TBC1D13: variants seen among roughly 807,000 people sequenced by gnomAD.
The protein encoded by TBC1D13 is TBC1 domain family member 13.
In TBC1D13, 40 loss-of-function variants were observed where a neutral mutation model predicts 53.6. That is an observed-to-expected ratio of 0.75 (90% CI 0.58 to 0.97). The LOEUF is 0.97. TBC1D13 is among the 50% of genes least tolerant of loss of function. The pLI is 0.00. For missense variants in TBC1D13, 377 were observed against 499.4 expected, an observed-to-expected ratio of 0.75 and a Z score of 2.34; for synonymous variants, 182 against 197.7, an observed-to-expected ratio of 0.92 and a Z score of 0.67.
At chr9:128,793,804 C>G (rs1829578172) in intron 6 of TBC1D13, among the ~76,000 whole-genome samples, 1 of 152,224 alleles carries the variant, frequency 6.6e-6, no homozygotes, top group African/African-American at 2.4e-5. Context: ...GGGCAGCTCT[C>G]AGGTGCCCAA....
rs1829758521 is a variant in TBC1D13 at position 128,802,736 on chromosome 9, C to CTTTT, written c.544-514_544-513insTTTT. On this transcript the variant is annotated intron_variant, in intron 7 of 11. Transcript: ENST00000372648. ...ACACATTGTCCTCCTTCACATTGTC[C>CTTTT]ATTTTTTTTTTTTTTTTTGAGACAG... Among the ~76,000 whole-genome samples the CTTTT allele has an allele frequency of 4.1e-5, 5 of 123,364 alleles. No homozygotes were observed. In the South Asian group the frequency reaches 7.6e-4, roughly 19 times the overall value. The allele number at this position is 123,364 out of a possible 152,430, so 80.9% of individuals were successfully genotyped here.
Position 128,797,120 on chromosome 9 carries a change from A to C in TBC1D13, c.449A>C (p.Asp150Ala). ...ATDYPCLLIL[D>A]PQNEFETLRK... ...GACTACCCTTGCCTCCTCATCCTGG[A>C]CCCCCAGAATGAGTTTGAAACCCTT... Residue 150 changes from aspartate (D) to alanine (A), a missense_variant, in exon 7 of 12, where the codon GAC becomes GCC. Physicochemically the swap from Asp to Ala is moderately radical, Grantham distance 126. Coordinates refer to ENST00000372648, the MANE Select transcript of TBC1D13 (RefSeq NM_018201.5). 1 of 1,613,756 alleles carries C rather than the reference A, an allele frequency of 6.2e-7. No individual in the cohort carries two copies. The highest frequency in any genetic ancestry group is 8.5e-7 in the Non-Finnish European group (1 of 1,179,940).
At chr9:128,804,877 C>T (rs1361306820) in intron 9 of TBC1D13, among the ~76,000 whole-genome samples, 8 of 151,834 alleles carry the variant, frequency 5.3e-5, no homozygotes, top group African/African-American at 1.7e-4. Context: ...TACAGGCGTG[C>T]GTTACCACGC....
rs1829773315 is a variant in TBC1D13, at chr9:128,803,455, G to A, written c.749G>A (p.Trp250Ter). The A allele has an allele frequency of 6.2e-7, 1 of 1,614,016 alleles. No homozygotes were observed. Among genetic ancestry groups the A allele is most frequent in the South Asian group, 1.1e-5 (1 of 91,076 alleles). ...TTTGCCACCGACCCCAATAGTGAGTGGAAAGGTAAGAAGGCTCTTGGTGCC... is the reference window on the plus strand; with the variant it reads ...TTTGCCACCGACCCCAATAGTGAGTAGAAAGGTAAGAAGGCTCTTGGTGCC... Reference protein sequence around the residue: ...YTFATDPNSEWKEHAEADTFF... With the variant: ...YTFATDPNSE The change falls in exon 8 of 12, where the codon TGG becomes TAG. Residue 250 changes from tryptophan (W) to a stop codon, truncating the protein, a stop_gained. Transcript: ENST00000372648. LOFTEE classifies it high-confidence loss of function.
intron 6 of TBC1D13, among the ~76,000 whole-genome samples, chr9:128,795,437 CTTTTTTTTTTTTTTTTTTTTTT>C (rs539392878): frequency 1.7e-5 from 1 of 57,760 alleles, no homozygotes; most frequent in South Asian, 9.1e-4. Context: ...TGGTCACCAT[CTTTTTTTTTTTTTTTTTTTTTT>C]TTTTTTTTTT....
intron 6 of TBC1D13, among the ~76,000 whole-genome samples, chr9:128,794,695 G>A (rs906905059): frequency 1.3e-5 from 2 of 151,288 alleles, no homozygotes; most frequent in East Asian, 1.9e-4. Flanking sequence ...GGCTGGTCAC[G>A]AACTCCTGAC....
chr9:128,803,422 A>G lies in TBC1D13; in HGVS notation c.716A>G (p.Tyr239Cys). 1 of 1,614,124 alleles carries G rather than the reference A, an allele frequency of 6.2e-7. No individual in the cohort carries two copies. Among genetic ancestry groups the G allele is most frequent in the Non-Finnish European group, 8.5e-7 (1 of 1,180,018 alleles). The change falls in exon 8 of 12, where the codon TAC becomes TGC. Residue 239 changes from tyrosine (Y) to cysteine (C), a missense_variant. By Grantham distance (194) the Tyr-to-Cys change is radical (BLOSUM62 -2). Coordinates refer to ENST00000372648, the MANE Select transcript of TBC1D13 (RefSeq NM_018201.5). ...ATGAATGAAATCGTGGGGCCCCTCT[A>G]CTACACCTTTGCCACCGACCCCAAT... ...QGMNEIVGPL[Y>C]YTFATDPNSE...
intron 7 of TBC1D13, among the ~76,000 whole-genome samples, chr9:128,801,088 G>A (rs181202142): frequency 1.4e-4 from 21 of 152,160 alleles, no homozygotes; most frequent in Non-Finnish European, 2.1e-4. Flanking sequence ...TGGGAGAATA[G>A]TTTGAACCTA....
chr9:128,806,347 T>TG (rs1210613840), intron 11 of TBC1D13, 36 bp downstream of exon 11: 2 of 1,612,636 alleles, frequency 1.2e-6, no homozygotes, highest in African/African-American at 2.7e-5. Context: ...GCCACTGCCA[T>TG]GAGGCTGGCA....
At chr9:128,807,092 T>G (rs1564427729) in intron 11 of TBC1D13, among the ~76,000 whole-genome samples, 1 of 66,654 alleles carries the variant, frequency 1.5e-5, no homozygotes, top group Non-Finnish European at 2.7e-5. Flanking sequence ...TTTGTTGTTG[T>G]TTTTTTTTTT....
chr9:128,789,316 C>CAAAA (rs10648259), intron 2 of TBC1D13, among the ~76,000 whole-genome samples: 4,276 of 81,286 alleles, frequency 0.053, 537 homozygotes, highest in African/African-American at 0.18. Flanking sequence ...AGCTCCATCT[C>CAAAA]AAAAAAAAAA....
At position 128,803,870 on chromosome 9, in the gene TBC1D13, G is replaced by T. The variant is rs921608099; in HGVS notation, c.755-86G>T. 5.1e-6 allele frequency: 8 copies of T among 1,553,650 alleles called. No individual in the cohort carries two copies. In the African/African-American group the frequency reaches 5.4e-5, roughly 11 times the overall value. Reference sequence around the variant, plus strand: ...CATGAGGATGGGGCAACTCGGCGGGGCTCAGAGCAGGGCAGATGTCTGGTA... The same window carrying T: ...CATGAGGATGGGGCAACTCGGCGGGTCTCAGAGCAGGGCAGATGTCTGGTA... On this transcript the variant is annotated intron_variant, in intron 8 of 11. Coordinates refer to ENST00000372648, the MANE Select transcript of TBC1D13 (RefSeq NM_018201.5).
In TBC1D13 at chr9:128,807,829, G is replaced by A; in HGVS notation, c.1153G>A (p.Asp385Asn). The change falls in exon 12 of 12, where the codon GAT (aspartate) becomes AAT (asparagine). Residue 385 changes from aspartate to asparagine, a missense_variant. Transcript: ENST00000372648. ...MRLLQDYPIT[D>N]VCQILQKAKE... is the part of the protein sequence containing the mutation. Reference sequence around the variant, plus strand: ...CTGTGCCCAGGACTACCCCATCACAGATGTCTGCCAGATCCTGCAGAAAGC... The same window carrying A: ...CTGTGCCCAGGACTACCCCATCACAAATGTCTGCCAGATCCTGCAGAAAGC... 1 of 1,614,222 alleles carries A rather than the reference G, an allele frequency of 6.2e-7. No individual in the cohort carries two copies. Among genetic ancestry groups the A allele is most frequent in the East Asian group, 2.2e-5 (1 of 44,890 alleles).
Position 128,809,296 on chromosome 9 carries a change from C to T in TBC1D13, c.*1417C>T, listed in dbSNP as rs1829905357. Reference sequence around the variant, plus strand: ...GGGGCAGCTGGCCACTCCCAGTTCTCACCAAGTCACCTCCCTCCTTGTACA... The same window carrying T: ...GGGGCAGCTGGCCACTCCCAGTTCTTACCAAGTCACCTCCCTCCTTGTACA... On this transcript the variant is annotated 3_prime_UTR_variant, in exon 12 of 12. Transcript: ENST00000372648. The T allele has an allele frequency of 6.6e-6, 1 of 152,448 alleles. No individual in the cohort carries two copies. 9.4% of individuals were successfully genotyped at this position (152,448 alleles called of 1,614,324 possible).
rs1829925736 is a variant in TBC1D13 at position 128,810,318 on chromosome 9, C to T, written c.*2439C>T. 1 of 152,364 alleles carries T rather than the reference C, an allele frequency of 6.6e-6. No individual in the cohort carries two copies. Among genetic ancestry groups the T allele is most frequent in the African/African-American group, 2.4e-5 (1 of 41,574 alleles). The allele number at this position is 152,364 out of a possible 1,614,324, so 9.4% of individuals were successfully genotyped here. A position where few individuals can be genotyped will look rare whatever the true frequency, so the allele number is the denominator to read the frequency against. Reference sequence around the variant, plus strand: ...ATTGAGCTGTATGAATTCAGCGGGTCTCACTCCAGAGGGTCAGAACGTTTG... The same window carrying T: ...ATTGAGCTGTATGAATTCAGCGGGTTTCACTCCAGAGGGTCAGAACGTTTG... On this transcript the variant is annotated 3_prime_UTR_variant, in exon 12 of 12. Coordinates refer to ENST00000372648, the MANE Select transcript of TBC1D13 (RefSeq NM_018201.5).
chr9:128,796,934 TCAAAAA>T lies in TBC1D13; in HGVS notation c.384-102_384-97del, dbSNP rs1052635423. 8.5e-5 allele frequency: 101 copies of T among 1,182,740 alleles called. No individual in the cohort carries two copies. In the East Asian group the frequency reaches 8.6e-4, roughly 10 times the overall value. 73.3% of individuals were successfully genotyped at this position (1,182,740 alleles called of 1,614,324 possible). On this transcript the variant is annotated intron_variant, in intron 6 of 11. Transcript: ENST00000372648. ...CTGGGCGACAGTGCAAGACTCCATC[TCAAAAA>T]CAAAAACAAAAACAAAAAACAATGC... is the stretch of plus-strand genomic sequence containing the variant.
At chr9:128,805,767 G>T in intron 9 of TBC1D13, 92 bp from the exon 10 acceptor site, 1 of 1,410,302 alleles carries the variant, frequency 7.1e-7, no homozygotes. Context: ...GGGCCCTGCT[G>T]TTCTGAATTC....
At chr9:128,805,383 A>G (rs1349772882) in intron 9 of TBC1D13, among the ~76,000 whole-genome samples, 3 of 152,158 alleles carry the variant, frequency 2.0e-5, no homozygotes, top group Admixed American at 2.0e-4. Context: ...TTTTTCAGTT[A>G]ATATTCACTG....
In TBC1D13 at chr9:128,807,805, T is replaced by C; in HGVS notation, c.1138-9T>C. On this transcript the variant is annotated splice_polypyrimidine_tract_variant and intron_variant, in intron 11 of 11. Transcript: ENST00000372648. Reference sequence around the variant, plus strand: ...TCAGAGGCAACTGTTGGCCTTTTCCTGTGCCCAGGACTACCCCATCACAGA... The same window carrying C: ...TCAGAGGCAACTGTTGGCCTTTTCCCGTGCCCAGGACTACCCCATCACAGA... 6.2e-7 allele frequency: 1 copy of C among 1,614,168 alleles called. No homozygotes were observed. The highest frequency in any genetic ancestry group is 1.1e-5 in the South Asian group (1 of 91,086).
Sources: gnomAD v4.1 joint callset for allele counts (sites outside exome capture counted in the v4.1 genomes callset) on GRCh38, gnomAD v4.1.1 for gene constraint, MANE v1.5 for transcripts, NCBI Gene and HGNC (gene_info 2026-07-23, HGNC 2026-07-21) for gene names.